Variants in MLPH observed in about 807,000 individuals in gnomAD.
MLPH encodes exophilin-3.
In MLPH, 51 loss-of-function variants were observed where a neutral mutation model predicts 72.1. The observed-to-expected ratio is 0.71, with a 90% CI of 0.56 to 0.89. The LOEUF (loss-of-function observed/expected upper bound fraction) is 0.89. Among genes scored for constraint, MLPH ranks in the 40% least tolerant of loss-of-function variants. MLPH has a pLI of 0.00. For missense variants in MLPH, 743 were observed against 759.9 expected, an observed-to-expected ratio of 0.98 and a Z score of 0.26; for synonymous variants, 301 against 310.1, an observed-to-expected ratio of 0.97 and a Z score of 0.31.
intron 2 of MLPH, among the ~76,000 whole-genome samples, chr2:237,508,317 G>A (rs1465648259): frequency 6.6e-6 from 1 of 151,948 alleles, no homozygotes; most frequent in Non-Finnish European, 1.5e-5. Flanking sequence ...TCACCATGTT[G>A]GCCAGGCTGG....
At chr2:237,545,992 C>T (rs180914546) in intron 12 of MLPH, among the ~76,000 whole-genome samples, 92 of 152,138 alleles carry the variant, frequency 6.0e-4, no homozygotes, top group African/African-American at 2.1e-3. Flanking sequence ...AACTTGTGCC[C>T]GAGGTGGTTA....
intron 2 of MLPH, chr2:237,507,119 T>C (rs1490686930): frequency 2.1e-5 from 3 of 140,402 alleles, no homozygotes; most frequent in Admixed American, 1.6e-4. Context: ...TTGGATGGAG[T>C]GCAGTAGCGT....
chr2:237,506,558 G>C (rs150306992), intron 2 of MLPH, among the ~76,000 whole-genome samples: 76 of 152,280 alleles, frequency 5.0e-4, no homozygotes, highest in African/African-American at 1.4e-3. Context: ...GAGCAAGCAG[G>C]GGGTACGTGA....
rs544647954 is a variant in MLPH at position 237,530,076 on chromosome 2, G to A, written c.1020+2560G>A. Among the ~76,000 whole-genome samples the A allele has an allele frequency of 2.4e-3, 368 of 152,334 alleles. 3 individuals are homozygous for A. Among genetic ancestry groups the A allele is most frequent in the Non-Finnish European group, 3.5e-3 (237 of 68,018 alleles). ...CTGCAGGGTCTAGGGCTTCTCCAGCGCCCTGGCCTTTCGGTGCACAGGACG... is the reference window on the plus strand; with the variant it reads ...CTGCAGGGTCTAGGGCTTCTCCAGCACCCTGGCCTTTCGGTGCACAGGACG... On this transcript the variant is annotated intron_variant, in intron 8 of 15. Transcript: ENST00000264605.
At position 237,519,978 on chromosome 2, in the gene MLPH, A is replaced by C. The variant is rs1385877982; in HGVS notation, c.624A>C (p.Gln208His). The C allele has an allele frequency of 8.1e-6, 13 of 1,613,890 alleles. No individual in the cohort carries two copies. In the African/African-American group the frequency reaches 1.5e-4, roughly 18 times the overall value. Residue 208 changes from glutamine (Q) to histidine (H), a missense_variant, in exon 6 of 16, where the codon CAA becomes CAC. Coordinates refer to ENST00000264605, the MANE Select transcript of MLPH (RefSeq NM_024101.7). ...EGDSDDSTQP[Q>H]GHSLHLSSVP... The stretch of plus-strand genomic sequence containing the variant: ...ACTCAGATGACTCCACTCAGCCTCA[A>C]GGTCACTCCCTGCACCTGTCCTCAG...
chr2:237,511,377 G>T, intron 4 of MLPH: 1 of 424,726 alleles, frequency 2.4e-6, no homozygotes, highest in Non-Finnish European at 4.4e-6. Context: ...CTCCCGAAGT[G>T]CTGGGGTTAT....
At chr2:237,501,794 G>A (rs1483912899) in intron 2 of MLPH, among the ~76,000 whole-genome samples, 2 of 151,660 alleles carry the variant, frequency 1.3e-5, no homozygotes, top group Admixed American at 1.3e-4. Context: ...GGTTGCATGA[G>A]CTGAGATCGC....
Position 237,494,141 on chromosome 2 carries a change from G to C in MLPH, c.110+605G>C, listed in dbSNP as rs542485838. On this transcript the variant is annotated intron_variant, in intron 2 of 15. Transcript: ENST00000264605. ...CCCTATGGGAAGGAAGCATATGAGG[G>C]AAGTAGTTAAGCAAAAGCTGAGAGG... 7.2e-5 allele frequency among the ~76,000 whole-genome samples: 11 copies of C among 152,260 alleles called. No homozygotes were observed. In the South Asian group the frequency reaches 2.1e-3, roughly 29 times the overall value.
chr2:237,552,815 T>A (rs1391587055), intron 15 of MLPH, among the ~76,000 whole-genome samples: 1 of 152,204 alleles, frequency 6.6e-6, no homozygotes, highest in Admixed American at 6.5e-5. Flanking sequence ...AGGGTTTCAC[T>A]AACTTGTCCA....
chr2:237,538,073 G>A (rs559401816), intron 9 of MLPH, among the ~76,000 whole-genome samples: 19 of 152,304 alleles, frequency 1.2e-4, no homozygotes, highest in South Asian at 2.1e-4. Context: ...GGGAAGAGTC[G>A]GGAGACACAG....
rs554766250 is a variant in MLPH at position 237,495,469 on chromosome 2, G to A, written c.110+1933G>A. Among the ~76,000 whole-genome samples, 5 of 152,324 alleles carry A rather than the reference G, an allele frequency of 3.3e-5. No homozygotes were observed. The South Asian group carries it at 6.2e-4, about 19-fold the overall frequency. On this transcript the variant is annotated intron_variant, in intron 2 of 15. Coordinates refer to ENST00000264605, the MANE Select transcript of MLPH (RefSeq NM_024101.7). ...TTGGATGGGGACCAGCCCCGGGGAC[G>A]TGAGCTCAAGCATGTTGAGGAGACA...
In MLPH at chr2:237,533,609, C is replaced by G. The variant is rs570902583; in HGVS notation, c.1021-955C>G. On this transcript the variant is annotated intron_variant, in intron 8 of 15. Transcript: ENST00000264605. ...CGTTCGCCATGTTGGCCAGGCTGGT[C>G]TCGAACTCCTGACCTCAGGTGATCT... Among the ~76,000 whole-genome samples the G allele has an allele frequency of 3.3e-5, 5 of 152,286 alleles. No homozygotes were observed. In the South Asian group the frequency reaches 8.3e-4, roughly 25 times the overall value.
intron 1 of MLPH, among the ~76,000 whole-genome samples, chr2:237,488,031 A>G (rs1373794417): frequency 6.6e-6 from 1 of 151,996 alleles, no homozygotes; most frequent in Admixed American, 6.5e-5. Flanking sequence ...CTTCGTCCCT[A>G]CTAGCCCCAA....
At chr2:237,542,328 C>T (rs576311704) in intron 11 of MLPH, among the ~76,000 whole-genome samples, 1 of 152,246 alleles carries the variant, frequency 6.6e-6, no homozygotes, top group South Asian at 2.1e-4. Context: ...ACCCGTCCTG[C>T]GTTCCTCCTG....
At chr2:237,509,765 T>A (rs2079850820) in intron 2 of MLPH, among the ~76,000 whole-genome samples, 1 of 152,146 alleles carries the variant, frequency 6.6e-6, no homozygotes, top group South Asian at 2.1e-4. Flanking sequence ...GGCCTCCCCC[T>A]GCCTGGTGGG....
At chr2:237,531,874 A>G (rs970389070) in intron 8 of MLPH, among the ~76,000 whole-genome samples, 9 of 152,088 alleles carry the variant, frequency 5.9e-5, no homozygotes, top group African/African-American at 2.2e-4. Flanking sequence ...GGGGGCCCTT[A>G]TCTCCAATCC....
At chr2:237,550,119 G>C (rs68142312) in intron 14 of MLPH, among the ~76,000 whole-genome samples, 1 of 152,150 alleles carries the variant, frequency 6.6e-6, no homozygotes, top group Non-Finnish European at 1.5e-5. Context: ...GTTTCAGAGC[G>C]CACCAAGCAG....
intron 9 of MLPH, among the ~76,000 whole-genome samples, chr2:237,538,937 G>T (rs949753243): frequency 6.6e-6 from 1 of 152,230 alleles, no homozygotes; most frequent in Non-Finnish European, 1.5e-5. Context: ...GCTGGCAGAG[G>T]TGCCGGGGCT....
chr2:237,519,356 T>C lies in MLPH; in HGVS notation c.556-554T>C, dbSNP rs550760056. On this transcript the variant is annotated intron_variant, in intron 5 of 15. Transcript: ENST00000264605. Reference sequence around the variant, plus strand: ...CTTTCGTTTGAGAACATTTGATTCATGCTATTTATGAAGTTCCCAGAATGC... The same window carrying C: ...CTTTCGTTTGAGAACATTTGATTCACGCTATTTATGAAGTTCCCAGAATGC... Among the ~76,000 whole-genome samples the C allele has an allele frequency of 6.3e-4, 96 of 152,322 alleles. 1 individual carries two copies. Among genetic ancestry groups the C allele is most frequent in the African/African-American group, 2.2e-3 (92 of 41,574 alleles).
Sources: gnomAD v4.1 joint callset for allele counts (sites outside exome capture counted in the v4.1 genomes callset) on GRCh38, gnomAD v4.1.1 for gene constraint, MANE v1.5 for transcripts, NCBI Gene and HGNC (gene_info 2026-07-23, HGNC 2026-07-21) for gene names.